ITGA8: variants seen among roughly 807,000 people sequenced by gnomAD.
ITGA8 encodes integrin subunit alpha 8, also known as integrin alpha-8.
ITGA8 carries 91 observed loss-of-function variants against 142.3 expected under a neutral mutation model. The observed-to-expected ratio is 0.64, with a 90% CI of 0.54 to 0.76. The LOEUF is 0.76. ITGA8 is among the 30% of genes least tolerant of loss of function. The pLI is 0.00. For missense variants in ITGA8, 1,406 were observed against 1,327.7 expected (o/e 1.06, Z -0.92); for synonymous variants, 505 against 485.2 (o/e 1.04, Z -0.54).
At chr10:15,614,350 A>G (rs1281124843) in intron 14 of ITGA8, among the ~76,000 whole-genome samples, 1 of 152,182 alleles carries the variant, frequency 6.6e-6, no homozygotes, top group East Asian at 1.9e-4. Flanking sequence ...GTGGTTCTCA[A>G]TCCTGACTGC....
intron 13 of ITGA8, among the ~76,000 whole-genome samples, 186 bp downstream of exon 13, chr10:15,643,844 G>C (rs1241661599): frequency 6.6e-6 from 1 of 152,166 alleles, no homozygotes; most frequent in African/African-American, 2.4e-5. Flanking sequence ...AGAAGGAAGC[G>C]TGTGTTTGTC....
intron 2 of ITGA8, among the ~76,000 whole-genome samples, chr10:15,712,238 G>A (rs572292751): frequency 4.6e-5 from 7 of 152,218 alleles, no homozygotes; most frequent in East Asian, 1.9e-4. Flanking sequence ...ATGAATGAGT[G>A]TTTTTTTAAT....
intron 23 of ITGA8, among the ~76,000 whole-genome samples, chr10:15,585,115 C>T (rs61845563): frequency 0.19 from 29,452 of 151,924 alleles, 3,503 homozygotes; most frequent in Non-Finnish European, 0.26. Context: ...ATTACAGGCA[C>T]GTGCACTAAA....
intron 2 of ITGA8, among the ~76,000 whole-genome samples, chr10:15,694,553 TATAG>T (rs938924701): frequency 5.1e-5 from 7 of 138,336 alleles, no homozygotes; most frequent in Admixed American, 2.3e-4. Flanking sequence ...TCTAATATAT[TATAG>T]AGTTATAATA....
intron 23 of ITGA8, among the ~76,000 whole-genome samples, chr10:15,577,654 A>G (rs964287422): frequency 6.6e-6 from 1 of 152,196 alleles, no homozygotes; most frequent in Non-Finnish European, 1.5e-5. Flanking sequence ...ATGGTAAACA[A>G]TGGTTCTCTA....
In ITGA8 at chr10:15,719,808, C is replaced by T; in HGVS notation, c.-37G>A. 2 of 1,310,128 alleles carry T rather than the reference C, an allele frequency of 1.5e-6. No homozygotes were observed. Among genetic ancestry groups the T allele is most frequent in the Non-Finnish European group, 9.7e-7 (1 of 1,032,574 alleles). 81.2% of individuals were successfully genotyped at this position (1,310,128 alleles called of 1,614,324 possible). On this transcript the variant is annotated 5_prime_UTR_variant, in exon 1 of 30. Transcript: ENST00000378076. ...CCGGTGGGTGGCTGCTACCCAGGAG[C>T]GCGAGCCGAGGACCCCTGCGGGGCA...
intron 12 of ITGA8, among the ~76,000 whole-genome samples, chr10:15,644,643 T>G (rs1280443298): frequency 6.6e-6 from 1 of 150,784 alleles, no homozygotes; most frequent in Non-Finnish European, 1.5e-5. Flanking sequence ...AGACGTTTCT[T>G]TTTTAAGTAC....
At chr10:15,651,110 G>A (rs1421678745) in intron 11 of ITGA8, among the ~76,000 whole-genome samples, 1 of 151,966 alleles carries the variant, frequency 6.6e-6, no homozygotes, top group Admixed American at 6.6e-5. Flanking sequence ...AGAAACAATG[G>A]TAGTGCAGAA....
Position 15,517,124 on chromosome 10 carries a change from T to G in ITGA8, c.*34A>C. The G allele has an allele frequency of 1.4e-6, 2 of 1,448,008 alleles. No individual in the cohort carries two copies. The highest frequency in any genetic ancestry group is 1.2e-5 in the South Asian group (1 of 86,210). 89.7% of individuals were successfully genotyped at this position (1,448,008 alleles called of 1,614,324 possible). A position where few individuals can be genotyped will look rare whatever the true frequency, so the allele number is the denominator to read the frequency against. On this transcript the variant is annotated 3_prime_UTR_variant, in exon 30 of 30. Transcript: ENST00000378076. ...TTTCTTTTTCTTTGAACAGGACCAG[T>G]GTTTGAGGTCTTTGGTCTTCTTTTT...
At chr10:15,670,807 A>T (rs1834499243) in intron 8 of ITGA8, among the ~76,000 whole-genome samples, 1 of 152,196 alleles carries the variant, frequency 6.6e-6, no homozygotes, top group Non-Finnish European at 1.5e-5. Context: ...GTAAAACCGG[A>T]CATGAGCTGA....
At position 15,611,599 on chromosome 10, in the gene ITGA8, C is replaced by T. The variant is rs1191341497; in HGVS notation, c.1553+2061G>A. On this transcript the variant is annotated intron_variant, in intron 15 of 29. Transcript: ENST00000378076. ...CTCCGCCTCCCAGGTTCATGCCATT[C>T]TCCTGCCTCAGCCTCCTGAGTAGCT... is the stretch of plus-strand genomic sequence containing the variant. The T allele has an allele frequency of 2.0e-5, 3 of 150,322 alleles. No individual in the cohort carries two copies. In the East Asian group the frequency reaches 5.9e-4, roughly 30 times the overall value. The allele number at this position is 150,322 out of a possible 1,614,324, so 9.3% of individuals were successfully genotyped here.
At chr10:15,692,236 T>A (rs139587651) in intron 2 of ITGA8, among the ~76,000 whole-genome samples, 19 of 152,200 alleles carry the variant, frequency 1.2e-4, no homozygotes, top group African/African-American at 4.3e-4. Context: ...CCCAGCCTTA[T>A]ACAGTTTTTG....
At chr10:15,617,937 A>G (rs1282150198) in intron 13 of ITGA8, among the ~76,000 whole-genome samples, 2 of 152,230 alleles carry the variant, frequency 1.3e-5, no homozygotes, top group African/African-American at 4.8e-5. Flanking sequence ...AGCAACATGG[A>G]TGGAACTAGA....
At chr10:15,623,789 A>C (rs2131626505) in intron 13 of ITGA8, among the ~76,000 whole-genome samples, 1 of 152,344 alleles carries the variant, frequency 6.6e-6, no homozygotes, top group South Asian at 2.1e-4. Context: ...AAATGCACCC[A>C]GACCTGTAAC....
chr10:15,590,915 G>C (rs921528586), intron 22 of ITGA8, among the ~76,000 whole-genome samples: 1 of 152,154 alleles, frequency 6.6e-6, no homozygotes, highest in Non-Finnish European at 1.5e-5. Context: ...CAAGTAAGTT[G>C]AGAAAACCTT....
intron 28 of ITGA8, among the ~76,000 whole-genome samples, chr10:15,519,855 T>C (rs181070406): frequency 6.6e-6 from 1 of 152,118 alleles, no homozygotes; most frequent in East Asian, 1.9e-4. Flanking sequence ...CATGAATCCT[T>C]GGATGTGCAA....
At chr10:15,594,772 A>T (rs1055760567) in intron 21 of ITGA8, among the ~76,000 whole-genome samples, 3 of 151,838 alleles carry the variant, frequency 2.0e-5, no homozygotes, top group Non-Finnish European at 4.4e-5. Context: ...ATAGAATGAG[A>T]CTCCATCTCA....
chr10:15,709,934 C>T lies in ITGA8; in HGVS notation c.343+8832G>A, dbSNP rs546294150. Among the ~76,000 whole-genome samples, 28 of 152,300 alleles carry T rather than the reference C, an allele frequency of 1.8e-4. No individual in the cohort carries two copies. The South Asian group carries it at 4.6e-3, about 25-fold the overall frequency. On this transcript the variant is annotated intron_variant, in intron 2 of 29. Transcript: ENST00000378076. ...TAAATAAATGCATTTCTAAACCAGTCAACCATCAGCTCCCAAGACAAGAGA... is the reference window on the plus strand; with the variant it reads ...TAAATAAATGCATTTCTAAACCAGTTAACCATCAGCTCCCAAGACAAGAGA...
At chr10:15,532,429 A>AG (rs752111994) in intron 27 of ITGA8, among the ~76,000 whole-genome samples, 14,056 of 142,486 alleles carry the variant, frequency 0.099, 1,241 homozygotes, top group Non-Finnish European at 0.14. Context: ...AAAAAAAAAA[A>AG]AAAAAAAAAA....
Sources: allele counts gnomAD v4.1 joint callset (sites outside exome capture counted in the v4.1 genomes callset), GRCh38; gene constraint gnomAD v4.1.1; transcripts MANE v1.5; gene names NCBI Gene and HGNC (gene_info 2026-07-23, HGNC 2026-07-21).